The following SLC7A7 variants were observed in gnomAD, a reference collection of about 807,000 sequenced individuals.
SLC7A7 encodes the protein solute carrier family 7 member 7, also known as Y+L amino acid transporter 1.
Under a neutral mutation model 47.9 loss-of-function variants are expected in SLC7A7, and 39 were observed. The ratio of observed to expected loss-of-function variants is 0.81; its 90% CI spans 0.63 to 1.06. The LOEUF (loss-of-function observed/expected upper bound fraction) is 1.06. Among genes scored for constraint, SLC7A7 ranks in the 50% least tolerant of loss-of-function variants. The pLI is 0.00. For missense variants in SLC7A7, 588 were observed against 632.0 expected (o/e 0.93, Z 0.75); for synonymous variants, 234 against 242.8 (o/e 0.96, Z 0.34).
Position 22,775,809 on chromosome 14 carries a change from C to T in SLC7A7, c.998+24G>A, listed in dbSNP as rs759190824. ...CTGCATAGCCCTTTGATGATACACC[C>T]CTCACAAAAGTTGCCACTCTTACCT... On this transcript the variant is annotated intron_variant, in intron 6 of 9. Coordinates refer to ENST00000674313, the MANE Select transcript of SLC7A7 (RefSeq NM_003982.4). 48 of 1,528,298 alleles carry T rather than the reference C, an allele frequency of 3.1e-5. No homozygotes were observed. The highest frequency in any genetic ancestry group is 6.7e-5 in the Admixed American group (4 of 59,876). The allele number at this position is 1,528,298 out of a possible 1,614,324, so 94.7% of individuals were successfully genotyped here. A position where few individuals can be genotyped will look rare whatever the true frequency, so the allele number is the denominator to read the frequency against.
intron 3 of SLC7A7, 28 bp downstream of exon 3, chr14:22,779,898 A>T (rs768767510): frequency 6.2e-7 from 1 of 1,611,720 alleles, no homozygotes; most frequent in East Asian, 2.2e-5. Flanking sequence ...CTTAAAAAAG[A>T]TTAGTTGCTA....
chr14:22,806,187 CTTT>C (rs77783824), intron 2 of SLC7A7, among the ~76,000 whole-genome samples: 475 of 78,168 alleles, frequency 6.1e-3, no homozygotes, highest in African/African-American at 0.025. Flanking sequence ...ACATCAATCT[CTTT>C]TTTTTTTTTT....
intron 4 of SLC7A7, among the ~76,000 whole-genome samples, chr14:22,777,596 A>G (rs78787547): frequency 6.6e-6 from 1 of 152,318 alleles, no homozygotes; most frequent in African/African-American, 2.4e-5. Flanking sequence ...AAGTGGGGCA[A>G]ATACTCTGCA....
At chr14:22,787,436 A>AAAAT (rs34759644) in intron 2 of SLC7A7, among the ~76,000 whole-genome samples, 80,428 of 147,960 alleles carry the variant, frequency 0.54, 23,754 homozygotes, top group South Asian at 0.67. Context: ...ACTCCGTCTC[A>AAAAT]AAATAAATAA....
chr14:22,783,740 T>A (rs1405842266), intron 2 of SLC7A7, among the ~76,000 whole-genome samples: 1 of 152,014 alleles, frequency 6.6e-6, no homozygotes, highest in Non-Finnish European at 1.5e-5. Flanking sequence ...TCCATTTGTA[T>A]CCCTCTCTTT....
At chr14:22,789,072 A>G (rs1319960579) in intron 2 of SLC7A7, among the ~76,000 whole-genome samples, 1 of 152,214 alleles carries the variant, frequency 6.6e-6, no homozygotes, top group Non-Finnish European at 1.5e-5. Context: ...GCTTGTTCTT[A>G]GTGAATTCAT....
chr14:22,778,429 G>A (rs1015825533), intron 4 of SLC7A7, among the ~76,000 whole-genome samples: 1 of 152,188 alleles, frequency 6.6e-6, no homozygotes, highest in Non-Finnish European at 1.5e-5. Flanking sequence ...GAAGGTTTCT[G>A]GAAGTCTATA....
rs1234235093 is a variant in SLC7A7, at chr14:22,813,001, G to T, written c.398C>A (p.Ala133Asp). 9.3e-6 allele frequency: 15 copies of T among 1,613,912 alleles called. No homozygotes were observed. The highest frequency in any genetic ancestry group is 1.3e-5 in the Non-Finnish European group (15 of 1,180,018). ...SLLIIEPTSQ[A>D]IIAITFANYM... ...GTTGGCAAAGGTGATGGCAATGATG[G>T]CCTGGCTGGTGGGCTCAATGATGAG... The change falls in exon 2 of 10, where the codon GCC becomes GAC. Residue 133 changes from alanine to aspartate, a missense_variant. Physicochemically the swap from Ala to Asp is moderately radical, Grantham distance 126. Transcript: ENST00000674313.
At position 22,796,144 on chromosome 14, in the gene SLC7A7, T is replaced by C. The variant is rs186948672; in HGVS notation, c.500-16093A>G. The stretch of plus-strand genomic sequence containing the variant: ...CAGATGGCTCTTGGGAAAAGCCCTC[T>C]GAAAAAGGCAACTAGCTTCCAAGTA... On this transcript the variant is annotated intron_variant, in intron 2 of 9. Transcript: ENST00000674313. Among the ~76,000 whole-genome samples, 795 of 152,218 alleles carry C rather than the reference T, an allele frequency of 5.2e-3. 1 individual carries two copies. The highest frequency in any genetic ancestry group is 8.9e-3 in the Non-Finnish European group (603 of 68,026).
In SLC7A7 at chr14:22,778,832, G is replaced by GT. The variant is rs2038663907; in HGVS notation, c.730dup (p.Thr244AsnfsTer7). ...GATCTCTTCAGTGACATAGTTGAGG[G>GT]TGTCCCAGCCTGAGTAGGAGAACAG... On this transcript the variant is annotated frameshift_variant, in exon 4 of 10. Coordinates refer to ENST00000674313, the MANE Select transcript of SLC7A7 (RefSeq NM_003982.4). LOFTEE classifies it high-confidence loss of function. 1 of 1,614,080 alleles carries GT rather than the reference G, an allele frequency of 6.2e-7. No individual in the cohort carries two copies. Among genetic ancestry groups the GT allele is most frequent in the Non-Finnish European group, 8.5e-7 (1 of 1,180,038 alleles).
intron 4 of SLC7A7, among the ~76,000 whole-genome samples, chr14:22,776,694 G>A (rs570157959): frequency 4.6e-5 from 7 of 152,138 alleles, no homozygotes; most frequent in South Asian, 2.1e-4. Context: ...GCAGCTGGGC[G>A]TGGTGGCTCA....
intron 2 of SLC7A7, among the ~76,000 whole-genome samples, chr14:22,792,143 C>G (rs2038935540): frequency 6.6e-6 from 1 of 152,010 alleles, no homozygotes; most frequent in Non-Finnish European, 1.5e-5. Flanking sequence ...CCTGGAAACT[C>G]TCTACACCTT....
At chr14:22,815,451 C>T (rs766002867), upstream of SLC7A7, 2 of 454,442 alleles carry the variant, frequency 4.4e-6, no homozygotes, top group South Asian at 3.1e-5. Context: ...CAGACAAATG[C>T]CTATGGATTT....
intron 2 of SLC7A7, among the ~76,000 whole-genome samples, chr14:22,806,333 T>C (rs1179665645): frequency 6.6e-6 from 1 of 150,710 alleles, no homozygotes; most frequent in African/African-American, 2.4e-5. Context: ...GTAGCTGGGA[T>C]TACAGGTGCC....
chr14:22,774,632 ATCCCT>A, intron 7 of SLC7A7, 129 bp from the exon 8 acceptor site: 2 of 1,245,884 alleles, frequency 1.6e-6, no homozygotes, highest in Non-Finnish European at 2.3e-6. Context: ...TCTGGTTTTA[ATCCCT>A]TTAACACCCT....
At chr14:22,802,514 C>G (rs934687364) in intron 2 of SLC7A7, among the ~76,000 whole-genome samples, 20 of 152,162 alleles carry the variant, frequency 1.3e-4, no homozygotes, top group Admixed American at 3.9e-4. Context: ...TCTTCTGGCA[C>G]AAAACTTACA....
chr14:22,801,904 G>A (rs1184724659), intron 2 of SLC7A7, among the ~76,000 whole-genome samples: 1 of 152,196 alleles, frequency 6.6e-6, no homozygotes, highest in Non-Finnish European at 1.5e-5. Context: ...ACAGTGCAGG[G>A]AACGTGGCAA....
At chr14:22,775,096 C>T (rs2038572785) in intron 7 of SLC7A7, among the ~76,000 whole-genome samples, 1 of 151,612 alleles carries the variant, frequency 6.6e-6, no homozygotes, top group South Asian at 2.1e-4. Flanking sequence ...TTTTAAGACA[C>T]ACACACACAC....
intron 2 of SLC7A7, among the ~76,000 whole-genome samples, chr14:22,811,248 C>CGGT (rs1026325865): frequency 6.6e-6 from 1 of 152,166 alleles, no homozygotes; most frequent in African/African-American, 2.4e-5. Flanking sequence ...GATTGGAGAG[C>CGGT]GGTGAGCCAA....
Sources: gnomAD v4.1 joint callset for allele counts (sites outside exome capture counted in the v4.1 genomes callset) on GRCh38, gnomAD v4.1.1 for gene constraint, MANE v1.5 for transcripts, NCBI Gene and HGNC (gene_info 2026-07-23, HGNC 2026-07-21) for gene names.